The following PECAM1 variants were observed in gnomAD, a reference collection of about 807,000 sequenced individuals.
PECAM1 encodes the protein platelet and endothelial cell adhesion molecule 1, also known as platelet endothelial cell adhesion molecule.
Under a neutral mutation model 13.8 loss-of-function variants are expected in PECAM1, and 8 were observed. The observed-to-expected ratio is 0.58, with a 90% confidence interval of 0.34 to 1.05. The LOEUF is 1.05. Ranked by LOEUF, PECAM1 falls within the 50% of genes least tolerant of loss-of-function variation. PECAM1 has a pLI of 0.03. For synonymous variants in PECAM1, 136 were observed against 52.6 expected, an observed-to-expected ratio of 2.58 and a Z score of -6.86; for missense variants, 304 against 141.2, an observed-to-expected ratio of 2.15 and a Z score of -5.84.
rs1555644359 is a variant in PECAM1, at chr17:64,321,268, G to GAA, written c.*2546_*2547dup. The GAA allele has an allele frequency of 5.3e-6, 1 of 190,144 alleles. No individual in the cohort carries two copies. Among genetic ancestry groups the GAA allele is most frequent in the African/African-American group, 2.4e-5 (1 of 42,170 alleles). The allele number at this position is 190,144 out of a possible 1,614,324, so 11.8% of individuals were successfully genotyped here. A position where few individuals can be genotyped will look rare whatever the true frequency, so the allele number is the denominator to read the frequency against. On this transcript the variant is annotated 3_prime_UTR_variant, in exon 16 of 16. Coordinates refer to ENST00000563924, the MANE Select transcript of PECAM1 (RefSeq NM_000442.5). The stretch of plus-strand genomic sequence containing the variant: ...TCTAACTAATGAGTTCCGCGGCCGA[G>GAA]AAAACTCCTGGAGTGGGTGCTCCTG...
At chr17:64,340,085 G>C (rs1409953626) in intron 14 of PECAM1, among the ~76,000 whole-genome samples, 2 of 152,214 alleles carry the variant, frequency 1.3e-5, no homozygotes, top group East Asian at 3.9e-4. Flanking sequence ...GGTGTTGCAC[G>C]GAGTTGCAGT....
chr17:64,342,128 C>T (rs1296345816), intron 13 of PECAM1, among the ~76,000 whole-genome samples: 2 of 146,472 alleles, frequency 1.4e-5, no homozygotes, highest in Non-Finnish European at 3.0e-5. Flanking sequence ...CCAGCCTGGG[C>T]AACACAGTGA....
rs974467046 is a variant in PECAM1, at chr17:64,321,480, G to A, written c.*2336C>T. ...TAAACTCATGTGTGCTCCACAGGCCGGGGGCGGTGGCTCATGCCTGCAATC... is the reference window on the plus strand; with the variant it reads ...TAAACTCATGTGTGCTCCACAGGCCAGGGGCGGTGGCTCATGCCTGCAATC... On this transcript the variant is annotated 3_prime_UTR_variant, in exon 16 of 16. Transcript: ENST00000563924. The A allele has an allele frequency of 6.0e-6, 6 of 994,174 alleles. No individual in the cohort carries two copies. Among genetic ancestry groups the A allele is most frequent in the Non-Finnish European group, 7.2e-6 (6 of 833,018 alleles). 61.6% of individuals were successfully genotyped at this position (994,174 alleles called of 1,614,324 possible).
At position 64,375,275 on chromosome 17, in the gene PECAM1, T is replaced by C. The variant is rs2036330933; in HGVS notation, c.467A>G (p.Glu156Gly). 6.3e-6 allele frequency: 3 copies of C among 475,376 alleles called. No homozygotes were observed. The highest frequency in any genetic ancestry group is 1.2e-5 in the Non-Finnish European group (3 of 259,038). The allele number at this position is 475,376 out of a possible 1,614,324, so 29.4% of individuals were successfully genotyped here. The change falls in exon 4 of 16, where the codon GAG (glutamate) becomes GGG (glycine). Residue 156 changes from glutamate (E) to glycine (G), a missense_variant. Glu to Gly is a moderately conservative substitution (Grantham distance 98, BLOSUM62 -2). Transcript: ENST00000563924. Reference protein sequence around the residue: ...GIVRVNCSVPEEKAPIHFTIE... With the variant: ...GIVRVNCSVPGEKAPIHFTIE... ...TGTGAAGTGTATTGGGGCCTTTTCC[T>C]CTGGGACAGAACAGTTGACCCTCAC...
chr17:64,350,088 A>G (rs1377284114), intron 12 of PECAM1, among the ~76,000 whole-genome samples: 1 of 150,240 alleles, frequency 6.7e-6, no homozygotes, highest in African/African-American at 2.5e-5. Context: ...TGCTCAAGAA[A>G]AAAGAGGTCC....
At chr17:64,377,617 A>AAAGGAAGGAAGGAAGGACGGAAGG in intron 3 of PECAM1, 1 of 248,494 alleles carries the variant, frequency 4.0e-6, no homozygotes, top group Admixed American at 6.9e-5. Flanking sequence ...TCAAAGAAAG[A>AAAGGAAGGAAGGAAGGACGGAAGG]AAGGAAGGAA....
intron 11 of PECAM1, 99 bp downstream of exon 11, chr17:64,352,291 A>C (rs2035743253): frequency 2.4e-6 from 1 of 423,856 alleles, no homozygotes; most frequent in African/African-American, 2.0e-5. Flanking sequence ...TTCTCTTCCA[A>C]CTGTAATCCC....
chr17:64,345,948 A>C lies in PECAM1; in HGVS notation c.2107+2312T>G, dbSNP rs908092512. On this transcript the variant is annotated intron_variant, in intron 13 of 15. Transcript: ENST00000563924. ...TCTGTGCATACAGCTGCTGACACTCAGCCCAGGCTCAAAAAGAGAAGACAA... is the reference window on the plus strand; with the variant it reads ...TCTGTGCATACAGCTGCTGACACTCCGCCCAGGCTCAAAAAGAGAAGACAA... Among the ~76,000 whole-genome samples, 6 of 152,292 alleles carry C rather than the reference A, an allele frequency of 3.9e-5. No homozygotes were observed. In the South Asian group the frequency reaches 1.0e-3, roughly 26 times the overall value.
rs2035815121 is a variant in PECAM1 at position 64,354,969 on chromosome 17, T to C, written c.1852A>G (p.Ile618Val). The change falls in exon 9 of 16, where the codon ATT (isoleucine) becomes GTT (valine). Residue 618 changes from isoleucine (I) to valine (V), a missense_variant. Coordinates refer to ENST00000563924, the MANE Select transcript of PECAM1 (RefSeq NM_000442.5). The part of the protein sequence containing the change: ...IIGVIIALLI[I>V]AAKCYFLRKA... ...CTCAGAAAATAACATTTGGCCGCAATGATCAAGAGAGCAATGATCACTCCG... is the reference window on the plus strand; with the variant it reads ...CTCAGAAAATAACATTTGGCCGCAACGATCAAGAGAGCAATGATCACTCCG... The C allele has an allele frequency of 2.1e-6, 1 of 475,272 alleles. No individual in the cohort carries two copies. The highest frequency in any genetic ancestry group is 2.0e-5 in the African/African-American group (1 of 50,516). The allele number at this position is 475,272 out of a possible 1,614,324, so 29.4% of individuals were successfully genotyped here. A position where few individuals can be genotyped will look rare whatever the true frequency, so the allele number is the denominator to read the frequency against.
chr17:64,322,103 C>T lies in PECAM1; in HGVS notation c.*1713G>A, dbSNP rs2034820993. On this transcript the variant is annotated 3_prime_UTR_variant, in exon 16 of 16. Coordinates refer to ENST00000563924, the MANE Select transcript of PECAM1 (RefSeq NM_000442.5). ...AAAGAGTCTAGGCTGGGCATGGTGG[C>T]TCACGCCTGCAATCCCAACCCAAAG... The T allele has an allele frequency of 9.1e-7, 1 of 1,100,214 alleles. No individual in the cohort carries two copies. The highest frequency in any genetic ancestry group is 1.7e-5 in the African/African-American group (1 of 60,124). 68.2% of individuals were successfully genotyped at this position (1,100,214 alleles called of 1,614,324 possible).
intron 14 of PECAM1, among the ~76,000 whole-genome samples, chr17:64,331,070 T>C (rs146904848): frequency 3.3e-5 from 5 of 152,154 alleles, no homozygotes; most frequent in Non-Finnish European, 5.9e-5. Context: ...ATTTTGTCAA[T>C]CCCTTCCAGG....
chr17:64,323,580 A>G lies in PECAM1; in HGVS notation c.*236T>C. The stretch of plus-strand genomic sequence containing the variant: ...CTCTTCCAATTTCCAAGGATGTTCC[A>G]ACTTGGTGGAAGGAGGGTATGTGGG... On this transcript the variant is annotated 3_prime_UTR_variant, in exon 16 of 16. Coordinates refer to ENST00000563924, the MANE Select transcript of PECAM1 (RefSeq NM_000442.5). 2 of 1,421,328 alleles carry G rather than the reference A, an allele frequency of 1.4e-6. No homozygotes were observed. The highest frequency in any genetic ancestry group is 1.8e-6 in the Non-Finnish European group (2 of 1,091,216). 88.0% of individuals were successfully genotyped at this position (1,421,328 alleles called of 1,614,324 possible). A position where few individuals can be genotyped will look rare whatever the true frequency, so the allele number is the denominator to read the frequency against.
In PECAM1 at chr17:64,354,873, C is replaced by A. The variant is rs1229828179; in HGVS notation, c.1888+60G>T. On this transcript the variant is annotated intron_variant, in intron 9 of 15. Transcript: ENST00000563924. ...CAGGGGTCAGAAAAGCACCACGCAT[C>A]CCTGGCTGGTTTCCTGGCAAGGACG... The A allele has an allele frequency of 1.5e-4, 71 of 472,860 alleles. 1 individual carries two copies. The South Asian group carries it at 4.6e-3, about 30-fold the overall frequency. 29.3% of individuals were successfully genotyped at this position (472,860 alleles called of 1,614,324 possible). A position where few individuals can be genotyped will look rare whatever the true frequency, so the allele number is the denominator to read the frequency against.
intron 14 of PECAM1, among the ~76,000 whole-genome samples, chr17:64,340,121 C>T (rs1182953712): frequency 1.3e-5 from 2 of 152,130 alleles, no homozygotes; most frequent in Non-Finnish European, 2.9e-5. Context: ...TGCTGTACTC[C>T]AGTCTGGGTG....
chr17:64,329,702 A>T lies in PECAM1; in HGVS notation c.2185T>A (p.Ser729Thr), dbSNP rs782168253. The T allele has an allele frequency of 1.3e-6, 1 of 768,134 alleles. No individual in the cohort carries two copies. Among genetic ancestry groups the T allele is most frequent in the African/African-American group, 1.7e-5 (1 of 58,782 alleles). 47.6% of individuals were successfully genotyped at this position (768,134 alleles called of 1,614,324 possible). ...ATGTATATGAAATGTGTACTTACAG[A>T]GTATCTGCTTTCCACGGCATCTACA... ...AVPDAVESRY[S>T]RTEGSLDGT The change falls in exon 15 of 16, where the codon TCT (serine) becomes ACT (threonine). Residue 729 changes from serine (S) to threonine (T), a missense_variant and splice_region_variant. Physicochemically the swap from Ser to Thr is moderately conservative, Grantham distance 58 (BLOSUM62 1). Transcript: ENST00000563924.
chr17:64,347,046 T>C (rs1393404300), intron 13 of PECAM1, among the ~76,000 whole-genome samples: 1 of 152,160 alleles, frequency 6.6e-6, no homozygotes, highest in Non-Finnish European at 1.5e-5. Flanking sequence ...CAATAAATCT[T>C]ACCTATTATT....
chr17:64,332,834 GA>G (rs1207092095), intron 14 of PECAM1, among the ~76,000 whole-genome samples: 2 of 152,220 alleles, frequency 1.3e-5, no homozygotes, highest in Admixed American at 1.3e-4. Flanking sequence ...AAACACCCTG[GA>G]AGTCTGAATT....
At chr17:64,331,995 G>A (rs782737359) in intron 14 of PECAM1, among the ~76,000 whole-genome samples, 3 of 152,180 alleles carry the variant, frequency 2.0e-5, no homozygotes, top group Admixed American at 6.5e-5. Flanking sequence ...CCTGGACCTC[G>A]GGCAGGCTCA....
At chr17:64,354,840 G>C in intron 9 of PECAM1, 93 bp downstream of exon 9, 1 of 454,150 alleles carries the variant, frequency 2.2e-6, no homozygotes, top group Non-Finnish European at 4.0e-6. Flanking sequence ...TTTTTGCCTA[G>C]CTGAATCCAG....
Sources: allele counts gnomAD v4.1 joint callset (sites outside exome capture counted in the v4.1 genomes callset), GRCh38; gene constraint gnomAD v4.1.1; transcripts MANE v1.5; gene names NCBI Gene and HGNC (gene_info 2026-07-23, HGNC 2026-07-21).